The following GSK3B variants were observed in gnomAD, a reference collection of about 807,000 sequenced individuals.
The protein encoded by GSK3B is glycogen synthase kinase-3 beta.
Under a neutral mutation model 56.4 loss-of-function variants are expected in GSK3B, and 15 were observed. The observed-to-expected ratio is 0.27, with a 90% CI of 0.18 to 0.41. The LOEUF (loss-of-function observed/expected upper bound fraction) is 0.41. Ranked by LOEUF, GSK3B falls within the 10% of genes least tolerant of loss-of-function variation. GSK3B has a pLI of 1.00. For missense variants in GSK3B, 300 were observed against 513.4 expected, an observed-to-expected ratio of 0.58 and a Z score of 4.02; for synonymous variants, 181 against 188.9, an observed-to-expected ratio of 0.96 and a Z score of 0.34.
At position 119,826,724 on chromosome 3, in the gene GSK3B, G is replaced by T; in HGVS notation, c.*64C>A. ...TTAATATTCTTTCCAAACGTGACCA[G>T]TGTTGCTGAGTGACACTCAAGTAAC... On this transcript the variant is annotated 3_prime_UTR_variant, in exon 11 of 11. Coordinates refer to ENST00000264235, the MANE Select transcript of GSK3B (RefSeq NM_001146156.2). 2 of 970,414 alleles carry T rather than the reference G, an allele frequency of 2.1e-6. No homozygotes were observed. Among genetic ancestry groups the T allele is most frequent in the Non-Finnish European group, 3.4e-6 (2 of 591,536 alleles). 60.1% of individuals were successfully genotyped at this position (970,414 alleles called of 1,614,324 possible). A position where few individuals can be genotyped will look rare whatever the true frequency, so the allele number is the denominator to read the frequency against.
intron 1 of GSK3B, among the ~76,000 whole-genome samples, chr3:120,055,257 G>C (rs2058182961): frequency 6.6e-6 from 1 of 152,014 alleles, no homozygotes; most frequent in South Asian, 2.1e-4. Flanking sequence ...GTGAGTAAAG[G>C]GTCCCAAGAA....
At chr3:119,910,229 A>G (rs542807302) in intron 6 of GSK3B, among the ~76,000 whole-genome samples, 1 of 152,344 alleles carries the variant, frequency 6.6e-6, no homozygotes, top group East Asian at 1.9e-4. Flanking sequence ...GAAGAAAAAT[A>G]GAATAGTAGG....
chr3:119,906,072 T>C (rs775450955), intron 6 of GSK3B, among the ~76,000 whole-genome samples: 1 of 152,086 alleles, frequency 6.6e-6, no homozygotes, highest in South Asian at 2.1e-4. Context: ...AATATTCTAA[T>C]AAAGGGTAAA....
intron 3 of GSK3B, among the ~76,000 whole-genome samples, chr3:119,944,107 C>CA (rs2057076120): frequency 6.6e-6 from 1 of 152,042 alleles, no homozygotes; most frequent in Non-Finnish European, 1.5e-5. Flanking sequence ...AGAACCTAAC[C>CA]AAGCCTTTAA....
At chr3:120,014,756 G>C (rs1313989138) in intron 1 of GSK3B, among the ~76,000 whole-genome samples, 1 of 152,190 alleles carries the variant, frequency 6.6e-6, no homozygotes, top group Non-Finnish European at 1.5e-5. Context: ...GGGATAGGAA[G>C]AGTAAATAAA....
chr3:120,013,789 C>A lies in GSK3B; in HGVS notation c.89-11550G>T, dbSNP rs557171017. ...CATAAGACTGTCAGAAGAGGAAACT[C>A]TGGCCACTGTAAATTTTTCAGGTTA... is the stretch of plus-strand genomic sequence containing the variant. On this transcript the variant is annotated intron_variant, in intron 1 of 10. Coordinates refer to ENST00000264235, the MANE Select transcript of GSK3B (RefSeq NM_001146156.2). 4.0e-5 allele frequency among the ~76,000 whole-genome samples: 6 copies of A among 151,836 alleles called. No individual in the cohort carries two copies. In the South Asian group the frequency reaches 1.0e-3, roughly 26 times the overall value.
intron 3 of GSK3B, among the ~76,000 whole-genome samples, chr3:119,946,003 C>T (rs2057096235): frequency 6.6e-6 from 1 of 150,552 alleles, no homozygotes; most frequent in African/African-American, 2.5e-5. Flanking sequence ...AAGATAATAA[C>T]AGGCCATTTG....
chr3:120,047,857 T>C (rs541425632), intron 1 of GSK3B, among the ~76,000 whole-genome samples: 1 of 152,322 alleles, frequency 6.6e-6, no homozygotes, highest in East Asian at 1.9e-4. Context: ...TGTTCTGTAC[T>C]TAACTTGATC....
At position 119,941,087 on chromosome 3, in the gene GSK3B, C is replaced by T. The variant is rs531056772; in HGVS notation, c.366+6181G>A. ...CTGGAGTGCAATGGCTCGATCTCGG[C>T]TCACTGCAACCTCTGCCTCCTGGGT... On this transcript the variant is annotated intron_variant, in intron 3 of 10. Coordinates refer to ENST00000264235, the MANE Select transcript of GSK3B (RefSeq NM_001146156.2). Among the ~76,000 whole-genome samples, 6 of 150,512 alleles carry T rather than the reference C, an allele frequency of 4.0e-5. No individual in the cohort carries two copies. The South Asian group carries it at 1.3e-3, about 32-fold the overall frequency.
At chr3:119,963,654 A>C (rs925367795) in intron 2 of GSK3B, among the ~76,000 whole-genome samples, 14 of 150,944 alleles carry the variant, frequency 9.3e-5, no homozygotes, top group Non-Finnish European at 1.8e-4. Context: ...AGAAAGAAAA[A>C]AAGAAAAAAG....
intron 1 of GSK3B, among the ~76,000 whole-genome samples, chr3:120,030,487 G>C (rs899187601): frequency 2.0e-5 from 3 of 152,134 alleles, no homozygotes; most frequent in Admixed American, 1.3e-4. Flanking sequence ...ACAAAACCCT[G>C]TAAGATCTAG....
At chr3:120,090,604 T>G (rs2058503558) in intron 1 of GSK3B, among the ~76,000 whole-genome samples, 2 of 152,192 alleles carry the variant, frequency 1.3e-5, no homozygotes, top group African/African-American at 4.8e-5. Context: ...TGCCAGTTCT[T>G]CATTCACACT....
At position 119,823,560 on chromosome 3, in the gene GSK3B, T is replaced by C. The variant is rs1029650863; in HGVS notation, c.*3228A>G. On this transcript the variant is annotated 3_prime_UTR_variant, in exon 11 of 11. Coordinates refer to ENST00000264235, the MANE Select transcript of GSK3B (RefSeq NM_001146156.2). Reference sequence around the variant, plus strand: ...GGAAGGCTCCCAGAATCTGCTGTTTTTAAGACCCATGGTTAGGGCTTGTGG... The same window carrying C: ...GGAAGGCTCCCAGAATCTGCTGTTTCTAAGACCCATGGTTAGGGCTTGTGG... 6.4e-5 allele frequency: 12 copies of C among 186,894 alleles called. No homozygotes were observed. The highest frequency in any genetic ancestry group is 1.4e-4 in the Non-Finnish European group (12 of 88,522). The allele number at this position is 186,894 out of a possible 1,614,324, so 11.6% of individuals were successfully genotyped here. A position where few individuals can be genotyped will look rare whatever the true frequency, so the allele number is the denominator to read the frequency against.
chr3:119,906,832 C>A (rs568633874), intron 6 of GSK3B, among the ~76,000 whole-genome samples: 91 of 152,104 alleles, frequency 6.0e-4, no homozygotes, highest in African/African-American at 2.2e-3. Context: ...TGGTTGACAA[C>A]AAAAAATTTT....
rs993392907 is a variant in GSK3B at position 120,078,517 on chromosome 3, T to C, written c.88+14830A>G. ...CCTTCTCCAATGTAGAGCAGAAATA[T>C]CAGAAATATCATACTAGAACTTCTC... is the stretch of plus-strand genomic sequence containing the variant. On this transcript the variant is annotated intron_variant, in intron 1 of 10. Transcript: ENST00000264235. Among the ~76,000 whole-genome samples the C allele has an allele frequency of 3.3e-5, 5 of 151,374 alleles. No homozygotes were observed. In the East Asian group the frequency reaches 5.8e-4, roughly 18 times the overall value.
chr3:119,892,084 G>A (rs1457287734), intron 7 of GSK3B, among the ~76,000 whole-genome samples: 1 of 152,150 alleles, frequency 6.6e-6, no homozygotes, highest in East Asian at 1.9e-4. Context: ...TGAAACGCTA[G>A]TATTTCTTCC....
At chr3:120,025,986 G>A (rs867647192) in intron 1 of GSK3B, among the ~76,000 whole-genome samples, 8 of 152,102 alleles carry the variant, frequency 5.3e-5, no homozygotes, top group South Asian at 2.1e-4. Flanking sequence ...TATGATGGAC[G>A]GTAGCCAGAT....
At chr3:119,982,727 C>T (rs1348323415) in intron 2 of GSK3B, among the ~76,000 whole-genome samples, 8 of 152,086 alleles carry the variant, frequency 5.3e-5, no homozygotes, top group Admixed American at 3.9e-4. Flanking sequence ...ACCAAATCTA[C>T]GTTTGATTGG....
intron 7 of GSK3B, among the ~76,000 whole-genome samples, chr3:119,889,731 G>A (rs1417502866): frequency 6.6e-6 from 1 of 152,084 alleles, no homozygotes; most frequent in Non-Finnish European, 1.5e-5. Flanking sequence ...AATAGTCTAA[G>A]TACTTCAATT....
Sources: gnomAD v4.1 joint callset for allele counts (sites outside exome capture counted in the v4.1 genomes callset) on GRCh38, gnomAD v4.1.1 for gene constraint, MANE v1.5 for transcripts, NCBI Gene and HGNC (gene_info 2026-07-23, HGNC 2026-07-21) for gene names.